The following PTPRN2 variants were observed in gnomAD, a reference collection of about 807,000 sequenced individuals.
The protein encoded by PTPRN2 is protein tyrosine phosphatase receptor type N2, also known as receptor-type tyrosine-protein phosphatase N2.
In PTPRN2, 74 loss-of-function variants were observed where a neutral mutation model predicts 118.8. That is an observed-to-expected ratio of 0.62 (90% CI 0.52 to 0.76). The LOEUF (loss-of-function observed/expected upper bound fraction) is 0.76, where lower values mean the gene tolerates loss of function less well. Among genes scored for constraint, PTPRN2 ranks in the 30% least tolerant of loss-of-function variants. PTPRN2 has a pLI of 0.00. For synonymous variants in PTPRN2, 641 were observed against 608.0 expected, an observed-to-expected ratio of 1.05 and a Z score of -0.80; for missense variants, 1,481 against 1,394.4, an observed-to-expected ratio of 1.06 and a Z score of -0.99.
At chr7:158,074,084 G>C (rs552143090) in intron 11 of PTPRN2, among the ~76,000 whole-genome samples, 5 of 152,346 alleles carry the variant, frequency 3.3e-5, no homozygotes, top group Admixed American at 3.3e-4. Context: ...GCCTGGGGCA[G>C]TGAAGACAGA....
Position 157,609,003 on chromosome 7 carries a change from G to A in PTPRN2, c.2345-4928C>T, listed in dbSNP as rs559808354. Among the ~76,000 whole-genome samples the A allele has an allele frequency of 6.6e-6, 1 of 152,318 alleles. No homozygotes were observed. Among genetic ancestry groups the A allele is most frequent in the East Asian group, 1.9e-4 (1 of 5,188 alleles). ...TTCCTTCACCTGGCCCTATAACTGA[G>A]TTAATGTCATTGGGTTAAATTAACC... On this transcript the variant is annotated intron_variant, in intron 15 of 22. Coordinates refer to ENST00000389418, the MANE Select transcript of PTPRN2 (RefSeq NM_002847.5). The surrounding 1 kb of genome is among the most constrained non-coding windows in gnomAD (Gnocchi z 4.9).
chr7:157,709,928 C>T (rs1270688632), intron 12 of PTPRN2, among the ~76,000 whole-genome samples: 1 of 152,202 alleles, frequency 6.6e-6, no homozygotes, highest in Non-Finnish European at 1.5e-5. Flanking sequence ...TTCCTTACAA[C>T]GTGAGCCTGA....
intron 5 of PTPRN2, among the ~76,000 whole-genome samples, chr7:158,185,607 A>G (rs1425780171): frequency 6.6e-6 from 1 of 152,214 alleles, no homozygotes; most frequent in Non-Finnish European, 1.5e-5. Flanking sequence ...TGTCTCTGTC[A>G]TGAATAACAC....
intron 2 of PTPRN2, among the ~76,000 whole-genome samples, chr7:158,411,247 C>G (rs1814059570): frequency 6.6e-6 from 1 of 152,234 alleles, no homozygotes; most frequent in South Asian, 2.1e-4. Flanking sequence ...ACACGCTTCC[C>G]AGTGGGTTCA....
rs534573793 is a variant in PTPRN2, at chr7:158,285,424, C to T, written c.277+31395G>A. ...CCTCAGAAGGACAGGGATGTGCCCACGCCGGCTTCAACTCTCCCGCCCAAC... is the reference window on the plus strand; with the variant it reads ...CCTCAGAAGGACAGGGATGTGCCCATGCCGGCTTCAACTCTCCCGCCCAAC... On this transcript the variant is annotated intron_variant, in intron 3 of 22. Coordinates refer to ENST00000389418, the MANE Select transcript of PTPRN2 (RefSeq NM_002847.5). 2.6e-5 allele frequency among the ~76,000 whole-genome samples: 4 copies of T among 152,304 alleles called. No homozygotes were observed. The South Asian group carries it at 6.2e-4, about 24-fold the overall frequency.
At chr7:158,452,735 G>A (rs1253546979) in intron 2 of PTPRN2, among the ~76,000 whole-genome samples, 1 of 152,242 alleles carries the variant, frequency 6.6e-6, no homozygotes, top group East Asian at 1.9e-4. Flanking sequence ...GAACCTTTGG[G>A]AAACACAAAG....
chr7:158,061,618 G>A lies in PTPRN2; in HGVS notation c.1723+19680C>T, dbSNP rs561752976. On this transcript the variant is annotated intron_variant, in intron 11 of 22. Coordinates refer to ENST00000389418, the MANE Select transcript of PTPRN2 (RefSeq NM_002847.5). ...GTCCGTGAGCACACTGGCTGTGGACGGAGGAAGGCTGTGGCTCCAGGATTG... is the reference window on the plus strand; with the variant it reads ...GTCCGTGAGCACACTGGCTGTGGACAGAGGAAGGCTGTGGCTCCAGGATTG... Among the ~76,000 whole-genome samples the A allele has an allele frequency of 4.6e-5, 7 of 152,344 alleles. No homozygotes were observed. The South Asian group carries it at 6.2e-4, about 14-fold the overall frequency.
At chr7:158,064,412 A>G (rs1810601110) in intron 11 of PTPRN2, among the ~76,000 whole-genome samples, 1 of 152,108 alleles carries the variant, frequency 6.6e-6, no homozygotes, top group African/African-American at 2.4e-5. Flanking sequence ...TGGGAGGTGC[A>G]TGAGGGAGCT....
chr7:157,555,746 C>A (rs1037651886), intron 21 of PTPRN2, among the ~76,000 whole-genome samples: 6 of 152,146 alleles, frequency 3.9e-5, no homozygotes, highest in African/African-American at 9.7e-5. Context: ...GAGAGAGAGG[C>A]CTTTACTTGC....
intron 13 of PTPRN2, among the ~76,000 whole-genome samples, chr7:157,662,657 T>C (rs949260571): frequency 6.6e-6 from 1 of 151,334 alleles, no homozygotes; most frequent in Non-Finnish European, 1.5e-5. Context: ...GGCCTGGAGG[T>C]GCGTAAGAGC....
rs752475804 is a variant in PTPRN2, at chr7:158,529,221, T to C, written c.113-39436A>G. ...ACTAAGCACCCGTCGCTGTTGGTCC[T>C]GGGGCTAACGCTGATGGGAGGAGCA... On this transcript the variant is annotated intron_variant, in intron 1 of 22. Coordinates refer to ENST00000389418, the MANE Select transcript of PTPRN2 (RefSeq NM_002847.5). This position sits in a 1 kb window ranked among gnomAD's most constrained non-coding sequence, Gnocchi z 4.7. Among the ~76,000 whole-genome samples, 25 of 152,242 alleles carry C rather than the reference T, an allele frequency of 1.6e-4. No individual in the cohort carries two copies. The highest frequency in any genetic ancestry group is 3.1e-4 in the Non-Finnish European group (21 of 68,036).
At chr7:157,670,687 C>T (rs950705559) in intron 13 of PTPRN2, among the ~76,000 whole-genome samples, 20 of 152,150 alleles carry the variant, frequency 1.3e-4, no homozygotes, top group African/African-American at 2.4e-4. Context: ...GATGACTCAC[C>T]GGGCAATTAA....
chr7:157,769,971 G>A lies in PTPRN2; in HGVS notation c.1789-87034C>T, dbSNP rs1228901519. Among the ~76,000 whole-genome samples, 8 of 152,306 alleles carry A rather than the reference G, an allele frequency of 5.3e-5. No individual in the cohort carries two copies. In the East Asian group the frequency reaches 1.5e-3, roughly 29 times the overall value. On this transcript the variant is annotated intron_variant, in intron 12 of 22. Transcript: ENST00000389418. ...AGGCATCATGGCTTACTGGGCTTTAGGATACACACCCCGACCTCGGCTACC... is the reference window on the plus strand; with the variant it reads ...AGGCATCATGGCTTACTGGGCTTTAAGATACACACCCCGACCTCGGCTACC...
intron 2 of PTPRN2, among the ~76,000 whole-genome samples, chr7:158,487,724 A>G (rs1821133954): frequency 6.6e-6 from 1 of 152,092 alleles, no homozygotes; most frequent in Non-Finnish European, 1.5e-5. Context: ...GCCTCGGGCT[A>G]AACCAGTCAC....
chr7:158,152,191 A>AAAAAAT (rs1554561530), intron 6 of PTPRN2, among the ~76,000 whole-genome samples: 12,903 of 144,762 alleles, frequency 0.089, 902 homozygotes, highest in Non-Finnish European at 0.14. Flanking sequence ...AAAAAAAAAA[A>AAAAAAT]CCATGAATGC....
chr7:158,194,934 A>C (rs1826090437), intron 4 of PTPRN2, among the ~76,000 whole-genome samples: 1 of 152,208 alleles, frequency 6.6e-6, no homozygotes, highest in African/African-American at 2.4e-5. Context: ...AATTCTGTTG[A>C]CAGCTATGTT....
intron 6 of PTPRN2, among the ~76,000 whole-genome samples, chr7:158,157,726 C>G (rs949647533): frequency 6.6e-6 from 1 of 151,872 alleles, no homozygotes; most frequent in Non-Finnish European, 1.5e-5. Flanking sequence ...ACCCTGTTCC[C>G]GCTATATAAG....
rs1469174515 is a variant in PTPRN2, at chr7:158,426,357, A to G, written c.163+63378T>C. 4.5e-4 allele frequency among the ~76,000 whole-genome samples: 2 copies of G among 4,442 alleles called. 1 individual carries two copies. Among genetic ancestry groups the G allele is most frequent in the Admixed American group, 5.1e-3 (2 of 394 alleles). 2.9% of individuals were successfully genotyped at this position (4,442 alleles called of 152,430 possible). A position where few individuals can be genotyped will look rare whatever the true frequency, so the allele number is the denominator to read the frequency against. The stretch of plus-strand genomic sequence containing the variant: ...TGGGGCCTGCGCACCGCCGGGAAAG[A>G]CGCAGAGTCCGAGACCAGCCTAGCT... On this transcript the variant is annotated intron_variant, in intron 2 of 22. Coordinates refer to ENST00000389418, the MANE Select transcript of PTPRN2 (RefSeq NM_002847.5).
In PTPRN2 at chr7:158,478,584, C is replaced by A. The variant is rs578070720; in HGVS notation, c.163+11151G>T. Among the ~76,000 whole-genome samples, 378 of 152,300 alleles carry A rather than the reference C, an allele frequency of 2.5e-3. 2 individuals carry two copies. The highest frequency in any genetic ancestry group is 8.8e-3 in the African/African-American group (367 of 41,574). On this transcript the variant is annotated intron_variant, in intron 2 of 22. Coordinates refer to ENST00000389418, the MANE Select transcript of PTPRN2 (RefSeq NM_002847.5). ...CCTGATAAGGAAGCTGCTTTCAACG[C>A]ATCCCTGAGCTGGACCCACATGGAG...
Sources: gnomAD v4.1 joint callset for allele counts (sites outside exome capture counted in the v4.1 genomes callset) on GRCh38, gnomAD v4.1.1 for gene constraint, Gnocchi (gnomAD v3.1) non-coding constraint, MANE v1.5 for transcripts, NCBI Gene and HGNC (gene_info 2026-07-23, HGNC 2026-07-21) for gene names.